TMTC1: variants seen among roughly 807,000 people sequenced by gnomAD.
TMTC1 encodes transmembrane O-mannosyltransferase targeting cadherins 1.
A neutral mutation model predicts 104.8 loss-of-function variants in TMTC1; 73 were observed. The ratio of observed to expected loss-of-function variants is 0.70; its 90% CI spans 0.58 to 0.85. TMTC1 has a LOEUF of 0.85. Ranked by LOEUF, TMTC1 falls within the 40% of genes least tolerant of loss-of-function variation. The pLI is 0.00. For synonymous variants in TMTC1, 434 were observed against 428.7 expected (o/e 1.01, Z -0.15); for missense variants, 1,035 against 1,096.1 (o/e 0.94, Z 0.79).
chr12:29,732,315 T>C (rs1362289689), intron 5 of TMTC1, among the ~76,000 whole-genome samples: 1 of 152,150 alleles, frequency 6.6e-6, no homozygotes, highest in Non-Finnish European at 1.5e-5. Flanking sequence ...CAGAGGTAGA[T>C]GACAAGAAAG....
intron 7 of TMTC1, among the ~76,000 whole-genome samples, chr12:29,603,668 T>C (rs73073417): frequency 0.081 from 12,265 of 152,214 alleles, 583 homozygotes; most frequent in Middle Eastern, 0.2. Context: ...AGTGGCATTA[T>C]GTAATCACAC....
intron 1 of TMTC1, among the ~76,000 whole-genome samples, chr12:29,773,888 T>C (rs1727186590): frequency 6.6e-6 from 1 of 152,156 alleles, no homozygotes; most frequent in African/African-American, 2.4e-5. Context: ...CAGCATCTCC[T>C]ACATCACACC....
chr12:29,559,938 A>G (rs1045770459), intron 9 of TMTC1, among the ~76,000 whole-genome samples: 4 of 152,230 alleles, frequency 2.6e-5, no homozygotes, highest in African/African-American at 9.6e-5. Context: ...AGAAAAATAC[A>G]GATGTAAATA....
intron 5 of TMTC1, among the ~76,000 whole-genome samples, chr12:29,745,769 G>A (rs1392794402): frequency 1.3e-5 from 2 of 152,092 alleles, no homozygotes; most frequent in Admixed American, 6.6e-5. Context: ...TTAACAATAC[G>A]TAACTTTAAT....
intron 5 of TMTC1, among the ~76,000 whole-genome samples, chr12:29,739,549 G>A (rs1346573596): frequency 6.6e-6 from 1 of 152,086 alleles, no homozygotes; most frequent in African/African-American, 2.4e-5. Context: ...TCCCCACCAA[G>A]ATGTAAGCTA....
At chr12:29,598,387 G>A (rs577343452) in intron 7 of TMTC1, among the ~76,000 whole-genome samples, 54 of 152,224 alleles carry the variant, frequency 3.5e-4, no homozygotes, top group Non-Finnish European at 5.9e-4. Flanking sequence ...AATAGCAATC[G>A]ATGTTAGACT....
intron 5 of TMTC1, among the ~76,000 whole-genome samples, chr12:29,653,090 A>C (rs1294485221): frequency 6.7e-6 from 1 of 149,966 alleles, no homozygotes; most frequent in Non-Finnish European, 1.5e-5. Flanking sequence ...TATTATATAT[A>C]TTTTTTATTT....
intron 6 of TMTC1, among the ~76,000 whole-genome samples, chr12:29,617,972 G>A (rs1565713478): frequency 6.6e-6 from 1 of 152,170 alleles, no homozygotes; most frequent in Non-Finnish European, 1.5e-5. Context: ...CTGTGTTGAG[G>A]AATAGACTGG....
intron 5 of TMTC1, among the ~76,000 whole-genome samples, chr12:29,643,990 TA>T (rs1438209187): frequency 1.4e-4 from 16 of 115,842 alleles, no homozygotes; most frequent in African/African-American, 5.5e-4. Flanking sequence ...TATAAATATA[TA>T]ATTTATATAT....
intron 5 of TMTC1, among the ~76,000 whole-genome samples, chr12:29,639,963 G>T (rs1938753264): frequency 6.6e-6 from 1 of 152,220 alleles, no homozygotes; most frequent in East Asian, 1.9e-4. Context: ...GAAAGCCACA[G>T]GCAATCCCCC....
intron 5 of TMTC1, among the ~76,000 whole-genome samples, chr12:29,714,912 G>A (rs1033934373): frequency 1.3e-5 from 2 of 152,164 alleles, no homozygotes; most frequent in Admixed American, 1.3e-4. Flanking sequence ...CTCTCAGAAG[G>A]AGTACAGTCC....
intron 5 of TMTC1, among the ~76,000 whole-genome samples, chr12:29,751,013 G>C (rs1943077750): frequency 6.6e-6 from 1 of 152,212 alleles, no homozygotes; most frequent in African/African-American, 2.4e-5. Flanking sequence ...ATTATTCACT[G>C]TCTGCTCAAA....
intron 7 of TMTC1, among the ~76,000 whole-genome samples, chr12:29,601,254 C>T (rs1315349954): frequency 6.6e-6 from 1 of 152,194 alleles, no homozygotes; most frequent in African/African-American, 2.4e-5. Flanking sequence ...GAACCTCTTA[C>T]AATAAGATAC....
At chr12:29,677,770 G>A (rs933934407) in intron 5 of TMTC1, among the ~76,000 whole-genome samples, 5 of 152,182 alleles carry the variant, frequency 3.3e-5, no homozygotes, top group Non-Finnish European at 7.3e-5. Context: ...TTATCAGATC[G>A]ACTGCCGCAG....
At chr12:29,524,332 G>C (rs550221749) in intron 11 of TMTC1, among the ~76,000 whole-genome samples, 72 of 152,176 alleles carry the variant, frequency 4.7e-4, no homozygotes, top group Non-Finnish European at 9.8e-4. Context: ...TAATCAAGCA[G>C]TCTGTTTATT....
At position 29,506,157 on chromosome 12, in the gene TMTC1, A is replaced by G. The variant is rs553383573; in HGVS notation, c.*689T>C. The G allele has an allele frequency of 6.6e-6, 1 of 152,314 alleles. No individual in the cohort carries two copies. Among genetic ancestry groups the G allele is most frequent in the Admixed American group, 6.5e-5 (1 of 15,304 alleles). 9.4% of individuals were successfully genotyped at this position (152,314 alleles called of 1,614,324 possible). A position where few individuals can be genotyped will look rare whatever the true frequency, so the allele number is the denominator to read the frequency against. On this transcript the variant is annotated 3_prime_UTR_variant, in exon 18 of 18. Coordinates refer to ENST00000539277, the MANE Select transcript of TMTC1 (RefSeq NM_001193451.2). ...AATTAAAATAGTTTTAAACACTTCC[A>G]TAAAGAATTAGGGGTGCCCAGCTCC...
intron 5 of TMTC1, among the ~76,000 whole-genome samples, chr12:29,650,472 C>CT (rs1319595044): frequency 6.6e-6 from 1 of 152,168 alleles, no homozygotes; most frequent in Non-Finnish European, 1.5e-5. Flanking sequence ...TCCCAGCCAC[C>CT]TACCCTAGAC....
chr12:29,678,492 G>T (rs1413475174), intron 5 of TMTC1, among the ~76,000 whole-genome samples: 1 of 152,146 alleles, frequency 6.6e-6, no homozygotes, highest in Non-Finnish European at 1.5e-5. Context: ...GTGACCTCCA[G>T]CCATTGTTTG....
intron 8 of TMTC1, among the ~76,000 whole-genome samples, chr12:29,578,607 C>A (rs902577754): frequency 3.9e-5 from 6 of 152,136 alleles, no homozygotes; most frequent in Non-Finnish European, 8.8e-5. Context: ...GATTTTAAAT[C>A]CACGCATTTC....
Sources: allele counts gnomAD v4.1 joint callset (sites outside exome capture counted in the v4.1 genomes callset), GRCh38; gene constraint gnomAD v4.1.1; transcripts MANE v1.5; gene names NCBI Gene and HGNC (gene_info 2026-07-23, HGNC 2026-07-21).